The following PPM1L variants were observed in gnomAD, a reference collection of about 807,000 sequenced individuals.
PPM1L encodes protein phosphatase, Mg2+/Mn2+ dependent 1L, also known as protein phosphatase 1L.
In PPM1L, 13 loss-of-function variants were observed where a neutral mutation model predicts 31.4. The ratio of observed to expected loss-of-function variants is 0.41; its 90% CI spans 0.27 to 0.66. The LOEUF (loss-of-function observed/expected upper bound fraction) is 0.66, where lower values mean the gene tolerates loss of function less well. Ranked by LOEUF, PPM1L falls within the 30% of genes least tolerant of loss-of-function variation. The pLI, the probability that PPM1L is intolerant of heterozygous loss-of-function variation, is 0.29. For missense variants in PPM1L, 326 were observed against 453.7 expected (o/e 0.72, Z 2.56); for synonymous variants, 184 against 175.4 (o/e 1.05, Z -0.39).
chr3:161,001,822 G>A (rs1213223779), intron 2 of PPM1L, among the ~76,000 whole-genome samples: 5 of 151,938 alleles, frequency 3.3e-5, no homozygotes, highest in Admixed American at 2.6e-4. Context: ...TACATTTTAA[G>A]GATCTTTCTT....
chr3:161,021,844 GTT>G (rs757946171), intron 2 of PPM1L, among the ~76,000 whole-genome samples: 15 of 151,264 alleles, frequency 9.9e-5, no homozygotes, highest in Non-Finnish European at 1.8e-4. Flanking sequence ...TTCTCTTCTG[GTT>G]TTTTTTATAG....
intron 1 of PPM1L, among the ~76,000 whole-genome samples, chr3:160,874,016 A>G (rs1712412244): frequency 6.6e-6 from 1 of 152,102 alleles, no homozygotes; most frequent in Non-Finnish European, 1.5e-5. Flanking sequence ...TATATCAGAC[A>G]TTTCCTAGGT....
At chr3:160,804,063 G>A (rs552917576) in intron 1 of PPM1L, among the ~76,000 whole-genome samples, 2 of 150,578 alleles carry the variant, frequency 1.3e-5, no homozygotes, top group Non-Finnish European at 3.0e-5. Context: ...GACTACAGGC[G>A]CCCGCCACCA....
chr3:161,066,430 A>G (rs1387914670), intron 3 of PPM1L, among the ~76,000 whole-genome samples: 2 of 152,198 alleles, frequency 1.3e-5, no homozygotes, highest in Non-Finnish European at 2.9e-5. Context: ...TTAGAAGTTG[A>G]TAACTGCTAT....
chr3:160,884,872 C>G lies in PPM1L; in HGVS notation c.400-76864C>G, dbSNP rs1217217631. On this transcript the variant is annotated intron_variant, in intron 1 of 3. Transcript: ENST00000498165. ...GCTATGCTAATGAGTAGTGTTAGTC[C>G]CATGGAGGGAGATTTAGTGTGTGGG... Among the ~76,000 whole-genome samples, 3 of 152,088 alleles carry G rather than the reference C, an allele frequency of 2.0e-5. No homozygotes were observed. The East Asian group carries it at 5.8e-4, about 29-fold the overall frequency.
intron 2 of PPM1L, among the ~76,000 whole-genome samples, chr3:160,981,280 G>T (rs1716788300): frequency 6.6e-6 from 1 of 152,198 alleles, no homozygotes; most frequent in South Asian, 2.1e-4. Flanking sequence ...TCATGTAGTT[G>T]CATTCAAGCT....
chr3:160,802,839 T>G (rs1202454990), intron 1 of PPM1L, among the ~76,000 whole-genome samples: 1 of 152,186 alleles, frequency 6.6e-6, no homozygotes, highest in Non-Finnish European at 1.5e-5. Context: ...GCAAATACAG[T>G]GTTTTGGTGA....
chr3:160,782,783 C>A (rs975313114), intron 1 of PPM1L, among the ~76,000 whole-genome samples: 1 of 152,056 alleles, frequency 6.6e-6, no homozygotes, highest in African/African-American at 2.4e-5. Context: ...AAAAAGAGTT[C>A]TTTGTCATCC....
At chr3:160,849,318 A>G (rs1021088705) in intron 1 of PPM1L, among the ~76,000 whole-genome samples, 3 of 152,092 alleles carry the variant, frequency 2.0e-5, no homozygotes, top group African/African-American at 4.8e-5. Flanking sequence ...GTTCTCCAGA[A>G]CTTCTTTCAC....
At chr3:160,913,318 AC>A (rs1714037685) in intron 1 of PPM1L, among the ~76,000 whole-genome samples, 1 of 152,030 alleles carries the variant, frequency 6.6e-6, no homozygotes, top group South Asian at 2.1e-4. Context: ...TAGACAGTGA[AC>A]CCTGATGTCA....
At position 160,971,405 on chromosome 3, in the gene PPM1L, C is replaced by T. The variant is rs192374344; in HGVS notation, c.574+9495C>T. On this transcript the variant is annotated intron_variant, in intron 2 of 3. Transcript: ENST00000498165. ...ACCACTAGAAATGCTCAGATGACCA[C>T]GTGGCCCTTAACTCCAGGTGCACAG... Among the ~76,000 whole-genome samples the T allele has an allele frequency of 1.3e-4, 20 of 152,298 alleles. 1 individual carries two copies. Among genetic ancestry groups the T allele is most frequent in the Non-Finnish European group, 1.5e-4 (10 of 68,028 alleles).
At chr3:160,955,600 A>G (rs945247666) in intron 1 of PPM1L, among the ~76,000 whole-genome samples, 1 of 150,614 alleles carries the variant, frequency 6.6e-6, no homozygotes, top group Non-Finnish European at 1.5e-5. Flanking sequence ...CAAGCCTAAT[A>G]TGTATTACTC....
At chr3:160,862,544 G>C (rs1054323769) in intron 1 of PPM1L, among the ~76,000 whole-genome samples, 3 of 152,070 alleles carry the variant, frequency 2.0e-5, no homozygotes, top group Non-Finnish European at 4.4e-5. Flanking sequence ...ATAGCAGAGA[G>C]TTAACATTCA....
At position 161,030,823 on chromosome 3, in the gene PPM1L, G is replaced by A. The variant is rs1200140064; in HGVS notation, c.575-34580G>A. 2.0e-5 allele frequency among the ~76,000 whole-genome samples: 3 copies of A among 151,988 alleles called. No homozygotes were observed. In the East Asian group the frequency reaches 5.8e-4, roughly 29 times the overall value. On this transcript the variant is annotated intron_variant, in intron 2 of 3. Transcript: ENST00000498165. ...CCTACTACATTCTACTCACAACACA[G>A]GATATAGAAACAATCTCTGTTGAGA...
intron 2 of PPM1L, among the ~76,000 whole-genome samples, chr3:160,981,706 TCTA>T (rs975514702): frequency 3.3e-5 from 5 of 152,048 alleles, no homozygotes; most frequent in African/African-American, 1.2e-4. Context: ...CACTCTCTCT[TCTA>T]CTATTATCAC....
intron 1 of PPM1L, among the ~76,000 whole-genome samples, chr3:160,831,020 C>G (rs2108097476): frequency 6.6e-6 from 1 of 152,292 alleles, no homozygotes; most frequent in Non-Finnish European, 1.5e-5. Flanking sequence ...TCTGCCCATA[C>G]CTTGGACAGC....
chr3:160,854,879 C>CAAAAAA (rs33923660), intron 1 of PPM1L, among the ~76,000 whole-genome samples: 1 of 95,630 alleles, frequency 1.0e-5, no homozygotes, highest in Non-Finnish European at 2.2e-5. Context: ...CATGTGGAAC[C>CAAAAAA]AAAAAAAAAA....
chr3:160,845,809 G>A (rs760424325), intron 1 of PPM1L, among the ~76,000 whole-genome samples: 6 of 151,918 alleles, frequency 3.9e-5, no homozygotes, highest in Non-Finnish European at 8.8e-5. Flanking sequence ...TTTGTTGAAT[G>A]TAAGCTAAAT....
chr3:160,772,026 A>G (rs1715270860), intron 1 of PPM1L, among the ~76,000 whole-genome samples: 1 of 152,116 alleles, frequency 6.6e-6, no homozygotes, highest in Admixed American at 6.6e-5. Context: ...GTTTTTATAA[A>G]TGCCTGGGCC....
Sources: gnomAD v4.1 joint callset for allele counts (sites outside exome capture counted in the v4.1 genomes callset) on GRCh38, gnomAD v4.1.1 for gene constraint, MANE v1.5 for transcripts, NCBI Gene and HGNC (gene_info 2026-07-23, HGNC 2026-07-21) for gene names.